Variants in TIA1 observed in about 807,000 individuals in gnomAD.
TIA1 encodes cytotoxic granule associated RNA binding protein TIA1.
TIA1 carries 23 observed loss-of-function variants against 65.9 expected under a neutral mutation model. The observed-to-expected ratio is 0.35, with a 90% confidence interval of 0.25 to 0.49. The LOEUF (loss-of-function observed/expected upper bound fraction) is 0.49. Ranked by LOEUF, TIA1 falls within the 20% of genes least tolerant of loss-of-function variation. The pLI is 0.98. For missense variants in TIA1, 371 were observed against 477.9 expected (o/e 0.78, Z 2.09); for synonymous variants, 147 against 149.4 (o/e 0.98, Z 0.12).
chr2:70,242,783 G>A (rs1028191808), intron 1 of TIA1, among the ~76,000 whole-genome samples: 17 of 152,104 alleles, frequency 1.1e-4, no homozygotes, highest in African/African-American at 4.1e-4. Flanking sequence ...AGCAGCATTT[G>A]TGAACTGGGC....
intron 2 of TIA1, among the ~76,000 whole-genome samples, chr2:70,233,805 A>G (rs952673444): frequency 6.6e-6 from 1 of 152,206 alleles, no homozygotes; most frequent in African/African-American, 2.4e-5. Flanking sequence ...TTAAGAGTAA[A>G]TAAATGAAAA....
At chr2:70,234,424 C>T (rs1178858084) in intron 2 of TIA1, among the ~76,000 whole-genome samples, 3 of 152,304 alleles carry the variant, frequency 2.0e-5, no homozygotes, top group Middle Eastern at 3.4e-3. Context: ...TATCCAAAGG[C>T]ATACCGATAT....
In TIA1 at chr2:70,219,848, G is replaced by A. The variant is rs536670660; in HGVS notation, c.475-2854C>T. Among the ~76,000 whole-genome samples the A allele has an allele frequency of 5.4e-5, 8 of 147,722 alleles. No individual in the cohort carries two copies. The South Asian group carries it at 1.7e-3, about 32-fold the overall frequency. Reference sequence around the variant, plus strand: ...TCCTGCCTTGGCCTCCCAAAGTTCTGTTATTACAGGAATGAGCCACTGTGC... The same window carrying A: ...TCCTGCCTTGGCCTCCCAAAGTTCTATTATTACAGGAATGAGCCACTGTGC... On this transcript the variant is annotated intron_variant, in intron 7 of 12. Coordinates refer to ENST00000433529, the MANE Select transcript of TIA1 (RefSeq NM_022173.4).
intron 7 of TIA1, among the ~76,000 whole-genome samples, chr2:70,217,467 G>A (rs775101459): frequency 1.3e-5 from 2 of 151,398 alleles, no homozygotes; most frequent in South Asian, 2.1e-4. Context: ...GCGTGATCTC[G>A]GCTCACTGCA....
intron 2 of TIA1, among the ~76,000 whole-genome samples, chr2:70,235,433 C>T (rs1176551900): frequency 6.6e-6 from 1 of 151,888 alleles, no homozygotes; most frequent in Non-Finnish European, 1.5e-5. Context: ...AATTTAAAGT[C>T]TTTTCCCCCC....
In TIA1 at chr2:70,209,597, T is replaced by C. The variant is rs1192726457; in HGVS notation, c.*3122A>G. On this transcript the variant is annotated 3_prime_UTR_variant, in exon 13 of 13. Transcript: ENST00000433529. ...ATAAAGAAACGATTGGGGACTATCA[T>C]TTTTGTGATTTAACAACAGAGAAAA... 1 of 398,256 alleles carries C rather than the reference T, an allele frequency of 2.5e-6. No individual in the cohort carries two copies. The highest frequency in any genetic ancestry group is 4.4e-6 in the Non-Finnish European group (1 of 225,962). 24.7% of individuals were successfully genotyped at this position (398,256 alleles called of 1,614,324 possible).
rs144296151 is a variant in TIA1, at chr2:70,215,379, C to T, written c.880G>A (p.Val294Met). 1.8e-4 allele frequency: 286 copies of T among 1,613,884 alleles called. No individual in the cohort carries two copies. The highest frequency in any genetic ancestry group is 2.3e-4 in the Non-Finnish European group (267 of 1,179,950). The change falls in exon 11 of 13, where the codon GTG becomes ATG. Residue 294 changes from valine to methionine, a missense_variant. Coordinates refer to ENST00000433529, the MANE Select transcript of TIA1 (RefSeq NM_022173.4). ...GKETLDMINP[V>M]QQQNQIGYPQ... ...GTTAAGAACCCTCTCACCTGTTGCACGGGATTTATCATATCAAGAGTTTCT... is the reference window on the plus strand; with the variant it reads ...GTTAAGAACCCTCTCACCTGTTGCATGGGATTTATCATATCAAGAGTTTCT...
chr2:70,223,354 C>T (rs147162510), intron 7 of TIA1, among the ~76,000 whole-genome samples: 1 of 151,904 alleles, frequency 6.6e-6, no homozygotes, highest in Admixed American at 6.6e-5. Flanking sequence ...AAAAAAAAAT[C>T]TTTGGTAGAT....
intron 1 of TIA1, among the ~76,000 whole-genome samples, chr2:70,240,540 A>G (rs905322051): frequency 6.6e-6 from 1 of 152,218 alleles, no homozygotes; most frequent in East Asian, 1.9e-4. Context: ...GCCTGGGAAC[A>G]TAGCAAGACC....
chr2:70,218,759 A>G, intron 7 of TIA1, among the ~76,000 whole-genome samples: 1 of 152,248 alleles, frequency 6.6e-6, no homozygotes, highest in Non-Finnish European at 1.5e-5. Flanking sequence ...CGCTAAGAGG[A>G]GAATGGCTTA....
intron 7 of TIA1, among the ~76,000 whole-genome samples, chr2:70,221,470 CAA>C (rs112906228): frequency 7.0e-6 from 1 of 143,732 alleles, no homozygotes; most frequent in South Asian, 2.2e-4. Context: ...ACCCTCTCTC[CAA>C]AAAAAAAAGA....
At chr2:70,227,432 A>G (rs1309668134) in intron 6 of TIA1, among the ~76,000 whole-genome samples, 1 of 152,190 alleles carries the variant, frequency 6.6e-6, no homozygotes, top group African/African-American at 2.4e-5. Context: ...ATTTTACTAA[A>G]GATTGTCACC....
chr2:70,213,170 T>C (rs1380459285), intron 12 of TIA1, among the ~76,000 whole-genome samples: 2 of 152,104 alleles, frequency 1.3e-5, no homozygotes, highest in African/African-American at 4.8e-5. Flanking sequence ...GCTATCCATC[T>C]CATCTCTATG....
rs1398553698 is a variant in TIA1, at chr2:70,234,202, C to T, written c.123+1877G>A. On this transcript the variant is annotated intron_variant, in intron 2 of 12. Transcript: ENST00000433529. ...CCTTGCTTTGCCTCATTTCCTCATA[C>T]ATGAAATGAAAATAACACCTTCTTT... 2.0e-4 allele frequency among the ~76,000 whole-genome samples: 31 copies of T among 152,180 alleles called. 1 individual carries two copies. The highest frequency in any genetic ancestry group is 2.0e-3 in the Admixed American group (31 of 15,276).
At chr2:70,215,996 C>T (rs1229691319) in intron 10 of TIA1, 2 of 507,994 alleles carry the variant, frequency 3.9e-6, no homozygotes, top group Non-Finnish European at 6.8e-6. Context: ...CGGTGATCCA[C>T]CCGTCTCGGC....
chr2:70,228,971 T>G, intron 5 of TIA1, 88 bp downstream of exon 5: 1 of 251,298 alleles, frequency 4.0e-6, no homozygotes, highest in Non-Finnish European at 5.7e-6. Flanking sequence ...CCCGCCCCCC[T>G]CCCCCAAATA....
intron 7 of TIA1, among the ~76,000 whole-genome samples, chr2:70,224,034 C>A (rs1276228706): frequency 6.6e-6 from 1 of 152,142 alleles, no homozygotes; most frequent in Non-Finnish European, 1.5e-5. Flanking sequence ...CCTCCTGCCT[C>A]AGCTTCCCGA....
intron 1 of TIA1, among the ~76,000 whole-genome samples, chr2:70,242,089 C>T (rs538845041): frequency 5.3e-5 from 8 of 151,948 alleles, no homozygotes; most frequent in East Asian, 1.9e-4. Flanking sequence ...AATTATACCA[C>T]GGTTATATAA....
intron 1 of TIA1, among the ~76,000 whole-genome samples, chr2:70,247,952 A>T (rs757629620): frequency 6.6e-6 from 1 of 152,194 alleles, no homozygotes; most frequent in Non-Finnish European, 1.5e-5. Flanking sequence ...ATCACCGAGA[A>T]GAAAATGAAA....
Sources: gnomAD v4.1 joint callset for allele counts (sites outside exome capture counted in the v4.1 genomes callset) on GRCh38, gnomAD v4.1.1 for gene constraint, MANE v1.5 for transcripts, NCBI Gene and HGNC (gene_info 2026-07-23, HGNC 2026-07-21) for gene names.